Variants in CCT5 observed in about 807,000 individuals in gnomAD.
CCT5 encodes chaperonin containing TCP1 subunit 5.
A neutral mutation model predicts 55.0 loss-of-function variants in CCT5; 6 were observed. That is an observed-to-expected ratio of 0.11 (90% CI 0.06 to 0.22). The LOEUF (loss-of-function observed/expected upper bound fraction) is 0.22. Ranked by LOEUF, CCT5 falls within the 10% of genes least tolerant of loss-of-function variation. The probability of loss-of-function intolerance (pLI) is 1.00; values close to 1 mark genes in which losing one functional copy is unlikely to be tolerated. For synonymous variants in CCT5, 231 were observed against 243.7 expected (o/e 0.95, Z 0.49); for missense variants, 560 against 694.6 (o/e 0.81, Z 2.18).
intron 7 of CCT5, chr5:10,261,242 G>T: frequency 2.0e-6 from 1 of 491,668 alleles, no homozygotes; most frequent in Non-Finnish European, 3.7e-6. Flanking sequence ...TCACTGCAGC[G>T]CAGTGCAAGG....
Position 10,263,233 on chromosome 5 carries a change from A to T in CCT5, c.1417A>T (p.Thr473Ser). The T allele has an allele frequency of 6.2e-7, 1 of 1,614,200 alleles. No individual in the cohort carries two copies. Among genetic ancestry groups the T allele is most frequent in the Non-Finnish European group, 8.5e-7 (1 of 1,180,034 alleles). ...SENSGMNPIQTMTEVRARQVK... is the reference protein window; with the variant it reads ...SENSGMNPIQSMTEVRARQVK... ...AAACAGTGGCATGAATCCCATCCAGACTATGACCGAAGTCCGAGCCAGACA... is the reference window on the plus strand; with the variant it reads ...AAACAGTGGCATGAATCCCATCCAGTCTATGACCGAAGTCCGAGCCAGACA... Residue 473 changes from threonine to serine, a missense_variant, in exon 10 of 11, where the codon ACT (threonine) becomes TCT (serine). By Grantham distance (58) the Thr-to-Ser change is moderately conservative. Transcript: ENST00000280326.
chr5:10,258,780 G>T (rs1360885446), intron 6 of CCT5, among the ~76,000 whole-genome samples: 1 of 152,192 alleles, frequency 6.6e-6, no homozygotes, highest in Non-Finnish European at 1.5e-5. Flanking sequence ...CAGGCAGATC[G>T]TGAGATCATC....
Position 10,250,340 on chromosome 5 carries a change from C to A in CCT5, c.-1C>A. The A allele has an allele frequency of 1.2e-6, 2 of 1,614,080 alleles. No homozygotes were observed. ...GGGGAAGTAATTCCGGTTGTTGCACCATGGCGTCCATGGGGACCCTCGCCT... is the reference window on the plus strand; with the variant it reads ...GGGGAAGTAATTCCGGTTGTTGCACAATGGCGTCCATGGGGACCCTCGCCT... On this transcript the variant is annotated 5_prime_UTR_variant, in exon 1 of 11. Transcript: ENST00000280326.
intron 10 of CCT5, 25 bp downstream of exon 10, chr5:10,263,339 TGGAG>T (rs200292677): frequency 4.8e-5 from 20 of 420,350 alleles, no homozygotes; most frequent in Middle Eastern, 5.2e-4. Context: ...CGCCTCTGCG[TGGAG>T]GGGGGGGGAT....
Position 10,254,741 on chromosome 5 carries a change from A to G in CCT5, c.234A>G (p.Leu78=). 1 of 1,610,896 alleles carries G rather than the reference A, an allele frequency of 6.2e-7. No individual in the cohort carries two copies. Among genetic ancestry groups the G allele is most frequent in the East Asian group, 2.2e-5 (1 of 44,874 alleles). The change falls in exon 3 of 11, where the codon TTA becomes TTG. Residue 78 remains leucine, a synonymous_variant. Coordinates refer to ENST00000280326, the MANE Select transcript of CCT5 (RefSeq NM_012073.5). ...VTVTNDGATI[L]SMMDVDHQIA... Reference sequence around the variant, plus strand: ...TAACTAATGATGGGGCCACCATCTTAAGCATGATGGATGTTGATCATCAGA... The same window carrying G: ...TAACTAATGATGGGGCCACCATCTTGAGCATGATGGATGTTGATCATCAGA...
chr5:10,250,945 T>A (rs1441145853), intron 1 of CCT5: 1 of 879,250 alleles, frequency 1.1e-6, no homozygotes, highest in Non-Finnish European at 1.4e-6. Flanking sequence ...TTGCCCACCC[T>A]TGAGGAAAAA....
chr5:10,263,021 A>G, intron 9 of CCT5, 113 bp from the exon 10 acceptor site: 1 of 871,500 alleles, frequency 1.1e-6, no homozygotes, highest in Non-Finnish European at 1.9e-6. Flanking sequence ...GCCTGTTCTT[A>G]CAATTCTTTG....
intron 3 of CCT5, chr5:10,255,100 A>G (rs1745607131): frequency 4.1e-6 from 2 of 482,636 alleles, no homozygotes; most frequent in Admixed American, 6.7e-5. Context: ...TTTAAGCTAT[A>G]AAGGATGTTT....
At chr5:10,261,105 C>T in intron 7 of CCT5, 194 bp downstream of exon 7, 6 of 676,780 alleles carry the variant, frequency 8.9e-6, no homozygotes, top group Non-Finnish European at 1.6e-5. Flanking sequence ...TTCTGGTGTT[C>T]CCTGGCATTT....
At chr5:10,254,492 T>C in intron 2 of CCT5, 182 bp from the exon 3 acceptor site, 1 of 657,282 alleles carries the variant, frequency 1.5e-6, no homozygotes, top group Non-Finnish European at 2.7e-6. Context: ...TGCTCCATAA[T>C]GTTTTGCCAA....
Position 10,263,125 on chromosome 5 carries a change from C to T in CCT5, c.1318-9C>T. On this transcript the variant is annotated splice_polypyrimidine_tract_variant and intron_variant, in intron 9 of 10. Coordinates refer to ENST00000280326, the MANE Select transcript of CCT5 (RefSeq NM_012073.5). Reference sequence around the variant, plus strand: ...CAAGTGCACTCACCATACTTCTGTACCTTTCCAGTGCCCCACCTTAGAACA... The same window carrying T: ...CAAGTGCACTCACCATACTTCTGTATCTTTCCAGTGCCCCACCTTAGAACA... 6.2e-7 allele frequency: 1 copy of T among 1,613,708 alleles called. No individual in the cohort carries two copies. The highest frequency in any genetic ancestry group is 1.6e-4 in the Middle Eastern group (1 of 6,062).
chr5:10,250,088 G>A (rs1409669649), upstream of CCT5: 8 of 1,537,648 alleles, frequency 5.2e-6, no homozygotes, highest in Non-Finnish European at 7.0e-6. Context: ...CTCTTGACTT[G>A]TGTGTCCTAA....
Position 10,264,862 on chromosome 5 carries a change from T to G in CCT5, c.*79T>G. 6.4e-7 allele frequency: 1 copy of G among 1,572,244 alleles called. No homozygotes were observed. On this transcript the variant is annotated 3_prime_UTR_variant, in exon 11 of 11. Coordinates refer to ENST00000280326, the MANE Select transcript of CCT5 (RefSeq NM_012073.5). ...TGTCTCGTGATGCATCTACAGTTAT[T>G]TATTGTTACATCCTTTTCCAGACAC... is the stretch of plus-strand genomic sequence containing the variant.
intron 3 of CCT5, among the ~76,000 whole-genome samples, chr5:10,255,338 TG>T (rs1745618351): frequency 2.9e-4 from 4 of 13,592 alleles, no homozygotes; most frequent in Non-Finnish European, 2.0e-3. Context: ...ATAAGTAAAC[TG>T]GTATTCGTTT....
At chr5:10,250,583 C>A in intron 1 of CCT5, 138 bp downstream of exon 1, 1 of 1,489,658 alleles carries the variant, frequency 6.7e-7, no homozygotes, top group South Asian at 1.3e-5. Flanking sequence ...CTGCGGTCTC[C>A]GGCCGCTCAG....
At chr5:10,257,172 GTGTCT>G (rs1286354049) in intron 4 of CCT5, among the ~76,000 whole-genome samples, 1 of 152,234 alleles carries the variant, frequency 6.6e-6, no homozygotes, top group African/African-American at 2.4e-5. Context: ...TGCAGGAAAA[GTGTCT>G]GCTTCTGTTG....
chr5:10,252,717 C>A (rs1745487050), intron 1 of CCT5, among the ~76,000 whole-genome samples: 2 of 152,090 alleles, frequency 1.3e-5, no homozygotes, highest in South Asian at 4.1e-4. Flanking sequence ...CCAGGCCAGC[C>A]AGCATAATTC....
At position 10,265,984 on chromosome 5, in the gene CCT5, CTT is replaced by C. The variant is rs1173259726; in HGVS notation, c.*1202_*1203del. On this transcript the variant is annotated 3_prime_UTR_variant, in exon 11 of 11. Transcript: ENST00000280326. The stretch of plus-strand genomic sequence containing the variant: ...CATGTGAACCTGGAGATTCACCAGT[CTT>C]AACTTTTGGGTCATTGTGTTTTCTC... 6 of 152,080 alleles carry C rather than the reference CTT, an allele frequency of 3.9e-5. No homozygotes were observed. Among genetic ancestry groups the C allele is most frequent in the Non-Finnish European group, 7.4e-5 (5 of 68,020 alleles). The allele number at this position is 152,080 out of a possible 1,614,324, so 9.4% of individuals were successfully genotyped here.
At chr5:10,253,243 C>T (rs1745517671) in intron 1 of CCT5, among the ~76,000 whole-genome samples, 1 of 151,294 alleles carries the variant, frequency 6.6e-6, no homozygotes, top group Admixed American at 6.6e-5. Context: ...GCAGGAGGAT[C>T]GCTTAAACCC....
Sources: gnomAD v4.1 joint callset for allele counts (sites outside exome capture counted in the v4.1 genomes callset) on GRCh38, gnomAD v4.1.1 for gene constraint, MANE v1.5 for transcripts, NCBI Gene and HGNC (gene_info 2026-07-23, HGNC 2026-07-21) for gene names.